Variants in ATP8B1 observed in about 807,000 individuals in gnomAD.
The protein encoded by ATP8B1 is phospholipid-transporting ATPase IC.
Under a neutral mutation model 149.9 loss-of-function variants are expected in ATP8B1, and 80 were observed. That is an observed-to-expected ratio of 0.53 (90% CI 0.45 to 0.64). The LOEUF (loss-of-function observed/expected upper bound fraction) is 0.64, where lower values mean the gene tolerates loss of function less well. Ranked by LOEUF, ATP8B1 falls within the 30% of genes least tolerant of loss-of-function variation. The pLI is 0.00. For synonymous variants in ATP8B1, 536 were observed against 562.8 expected (o/e 0.95, Z 0.67); for missense variants, 1,247 against 1,552.6 (o/e 0.80, Z 3.31).
At chr18:57,789,334 C>CT (rs2080439587) in intron 1 of ATP8B1, among the ~76,000 whole-genome samples, 2 of 152,256 alleles carry the variant, frequency 1.3e-5, no homozygotes, top group African/African-American at 4.8e-5. Flanking sequence ...CCTTGTGAGT[C>CT]TGGAAACACG....
chr18:57,778,450 T>A (rs1402776343), intron 1 of ATP8B1, among the ~76,000 whole-genome samples: 1 of 152,014 alleles, frequency 6.6e-6, no homozygotes, highest in Non-Finnish European at 1.5e-5. Flanking sequence ...CAGGATGGTC[T>A]TGAGCTCCTG....
At chr18:57,739,073 GC>G (rs2079886137) in intron 1 of ATP8B1, among the ~76,000 whole-genome samples, 1 of 152,076 alleles carries the variant, frequency 6.6e-6, no homozygotes, top group East Asian at 1.9e-4. Flanking sequence ...TCAGCTCACT[GC>G]AACCTCCACC....
Position 57,712,493 on chromosome 18 carries a change from G to T in ATP8B1, c.182-5906C>A, listed in dbSNP as rs115980579. Among the ~76,000 whole-genome samples the T allele has an allele frequency of 5.9e-3, 897 of 152,218 alleles. 13 individuals carry two copies. Among genetic ancestry groups the T allele is most frequent in the African/African-American group, 0.021 (855 of 41,530 alleles). On this transcript the variant is annotated intron_variant, in intron 2 of 27. Transcript: ENST00000648908. ...GCCAGAGGGGAATCTCCTGTACCTT[G>T]GTCAGAACTTGAATTCTGGCAAACC...
intron 1 of ATP8B1, among the ~76,000 whole-genome samples, chr18:57,750,700 G>A (rs553811168): frequency 6.6e-5 from 10 of 152,254 alleles, no homozygotes; most frequent in Admixed American, 2.6e-4. Context: ...CTTAACAGAC[G>A]TGTCTACAGT....
At chr18:57,746,559 C>T (rs746066717) in intron 1 of ATP8B1, among the ~76,000 whole-genome samples, 7 of 150,442 alleles carry the variant, frequency 4.7e-5, no homozygotes, top group African/African-American at 1.7e-4. Context: ...CTACAACCTC[C>T]GCCTCCCTGG....
At chr18:57,664,438 G>A (rs539765913) in intron 20 of ATP8B1, among the ~76,000 whole-genome samples, 10 of 149,530 alleles carry the variant, frequency 6.7e-5, no homozygotes, top group Non-Finnish European at 1.0e-4. Flanking sequence ...CCCAGGAGGC[G>A]GAGGTTGCAA....
intron 1 of ATP8B1, among the ~76,000 whole-genome samples, chr18:57,732,564 CT>C (rs1264336418): frequency 1.3e-5 from 2 of 151,258 alleles, no homozygotes; most frequent in South Asian, 2.1e-4. Context: ...AGTTGAATTT[CT>C]TTTTTTTCTT....
At chr18:57,742,668 C>T (rs986407353) in intron 1 of ATP8B1, among the ~76,000 whole-genome samples, 2 of 151,830 alleles carry the variant, frequency 1.3e-5, no homozygotes, top group Admixed American at 6.6e-5. Context: ...CCCATCTCTA[C>T]AAATAATAAT....
chr18:57,662,118 C>T (rs1382749476), intron 21 of ATP8B1, among the ~76,000 whole-genome samples: 2 of 152,128 alleles, frequency 1.3e-5, no homozygotes, highest in African/African-American at 4.8e-5. Context: ...GCTGCAGCCT[C>T]GAACACCTAA....
At chr18:57,656,872 G>T (rs1910038484) in intron 22 of ATP8B1, among the ~76,000 whole-genome samples, 1 of 151,630 alleles carries the variant, frequency 6.6e-6, no homozygotes, top group Admixed American at 6.6e-5. Flanking sequence ...GAGAGAAGGG[G>T]AGAGAGACAG....
At chr18:57,673,761 A>T (rs1219832345) in intron 16 of ATP8B1, among the ~76,000 whole-genome samples, 5 of 152,118 alleles carry the variant, frequency 3.3e-5, no homozygotes, top group Non-Finnish European at 5.9e-5. Flanking sequence ...AGGGCTCTTT[A>T]AACCATTCTT....
intron 15 of ATP8B1, among the ~76,000 whole-genome samples, chr18:57,680,615 C>A (rs77443777): frequency 0.19 from 25,463 of 134,544 alleles, 3,057 homozygotes; most frequent in East Asian, 0.57. Flanking sequence ...CAAAACAAAA[C>A]AAAAAAAAAA....
Position 57,697,803 on chromosome 18 carries a change from A to C in ATP8B1, c.619T>G (p.Phe207Val), listed in dbSNP as rs898578447. ...GDVIRLKKND[F>V]VPADILLLSS... is the part of the protein sequence containing the mutation. The stretch of plus-strand genomic sequence containing the variant: ...AGAATTTGTTCACTTACTGGAACAA[A>C]ATCATTTTTTTTCAGACGAATGACG... Residue 207 changes from phenylalanine (F) to valine (V), a missense_variant, in exon 7 of 28, where the codon TTT becomes GTT. Transcript: ENST00000648908. The C allele has an allele frequency of 1.2e-6, 2 of 1,613,898 alleles. No homozygotes were observed. The highest frequency in any genetic ancestry group is 2.2e-5 in the East Asian group (1 of 44,876).
At chr18:57,763,809 G>A (rs1301875751) in intron 1 of ATP8B1, among the ~76,000 whole-genome samples, 1 of 152,112 alleles carries the variant, frequency 6.6e-6, no homozygotes, top group African/African-American at 2.4e-5. Flanking sequence ...GTGTGCCGAA[G>A]AGATACTGAG....
chr18:57,712,258 A>G (rs1288777172), intron 2 of ATP8B1, among the ~76,000 whole-genome samples: 2 of 152,138 alleles, frequency 1.3e-5, no homozygotes, highest in African/African-American at 4.8e-5. Context: ...TAGGAAAAAT[A>G]GTCTTGAATT....
chr18:57,688,201 C>A (rs1207795466), intron 13 of ATP8B1, 98 bp downstream of exon 13: 2 of 1,333,330 alleles, frequency 1.5e-6, no homozygotes, highest in African/African-American at 2.9e-5. Context: ...ATCGAGAGGG[C>A]ACCAGCAATG....
intron 2 of ATP8B1, among the ~76,000 whole-genome samples, chr18:57,723,233 T>C (rs1277012974): frequency 1.4e-5 from 2 of 140,544 alleles, no homozygotes; most frequent in Non-Finnish European, 3.1e-5. Context: ...AACATAGTGT[T>C]GGAAGTTCTG....
At chr18:57,780,548 A>C (rs1458844166) in intron 1 of ATP8B1, among the ~76,000 whole-genome samples, 2 of 152,158 alleles carry the variant, frequency 1.3e-5, no homozygotes, top group Non-Finnish European at 2.9e-5. Context: ...AGCTTCTTGA[A>C]AGATGGGGGA....
chr18:57,793,180 G>A (rs758609185), intron 1 of ATP8B1, among the ~76,000 whole-genome samples: 1 of 152,150 alleles, frequency 6.6e-6, no homozygotes, highest in Non-Finnish European at 1.5e-5. Context: ...GTTCTGCTGA[G>A]AAAGTTATCT....
Sources: allele counts gnomAD v4.1 joint callset (sites outside exome capture counted in the v4.1 genomes callset), GRCh38; gene constraint gnomAD v4.1.1; transcripts MANE v1.5; gene names NCBI Gene and HGNC (gene_info 2026-07-23, HGNC 2026-07-21).